The following SMS variants were observed in gnomAD, a reference collection of about 807,000 sequenced individuals.
SMS encodes the protein spermidine aminopropyltransferase.
SMS carries 3 observed loss-of-function variants against 33.0 expected under a neutral mutation model. That is an observed-to-expected ratio of 0.09 (90% CI 0.04 to 0.23). The LOEUF (loss-of-function observed/expected upper bound fraction) is 0.23, where lower values mean the gene tolerates loss of function less well. Ranked by LOEUF, SMS falls within the 10% of genes least tolerant of loss-of-function variation. The probability of loss-of-function intolerance (pLI) is 1.00; values close to 1 mark genes in which losing one functional copy is unlikely to be tolerated. For synonymous variants in SMS, 103 were observed against 112.2 expected (o/e 0.92, Z 0.52); for missense variants, 117 against 288.6 (o/e 0.41, Z 4.31).
chrX:21,975,176 A>C (rs1283226684), intron 4 of SMS, among the ~76,000 whole-genome samples: 9 of 111,251 alleles, frequency 8.1e-5, no homozygotes, highest in Non-Finnish European at 1.7e-4. Context: ...TCAGCAGTGA[A>C]GGTTGAAACG....
rs878855908 is a variant in SMS, at chrX:21,977,338, G to GT, written c.505+107dup. Reference sequence around the variant, plus strand: ...TACTGTCGTGGATTTGTTTGAGTTTGTTTTTGACACTGCTGGTTTTTGAGA... The same window carrying GT: ...TACTGTCGTGGATTTGTTTGAGTTTGTTTTTTGACACTGCTGGTTTTTGAGA... On this transcript the variant is annotated intron_variant, in intron 5 of 10. Transcript: ENST00000404933. 5.1e-5 allele frequency: 39 copies of GT among 758,866 alleles called. No homozygotes were observed. In the South Asian group the frequency reaches 8.0e-4, roughly 16 times the overall value. The allele number at this position is 758,866 out of a possible 1,213,427, so 62.5% of individuals were successfully genotyped here.
chrX:21,952,974 G>T (rs1311588366), intron 1 of SMS, among the ~76,000 whole-genome samples: 2 of 107,587 alleles, frequency 1.9e-5, no homozygotes, highest in Non-Finnish European at 3.8e-5. Context: ...TGTTGCCCAG[G>T]CTGGTCTCAA....
intron 1 of SMS, among the ~76,000 whole-genome samples, chrX:21,964,263 C>T (rs1247085169): frequency 9.0e-6 from 1 of 111,538 alleles, no homozygotes; most frequent in Non-Finnish European, 1.9e-5. Flanking sequence ...TGGGCCACCG[C>T]TGCTCGGTGT....
intron 1 of SMS, among the ~76,000 whole-genome samples, chrX:21,956,131 C>T (rs1922955817): frequency 2.7e-5 from 3 of 112,767 alleles, no homozygotes; most frequent in African/African-American, 6.4e-5. Context: ...GGCTGGTACT[C>T]TGTAAACATG....
rs758346926 is a variant in SMS, at chrX:21,971,156, A to C, written c.171-741A>C. On this transcript the variant is annotated intron_variant, in intron 2 of 10. Coordinates refer to ENST00000404933, the MANE Select transcript of SMS (RefSeq NM_004595.5). The stretch of plus-strand genomic sequence containing the variant: ...GGCTGCAGTGAGCCGAGATCATGTC[A>C]CTGCACTCCAGCCTGGGCAAGACAG... 1.2e-4 allele frequency among the ~76,000 whole-genome samples: 13 copies of C among 109,696 alleles called. No individual in the cohort carries two copies. The South Asian group carries it at 4.0e-3, about 34-fold the overall frequency.
chrX:21,977,333 A>C (rs1459481841), intron 5 of SMS, 97 bp downstream of exon 5: 1 of 834,784 alleles, frequency 1.2e-6, no homozygotes, highest in Non-Finnish European at 1.8e-6. Context: ...GATTTGTTTG[A>C]GTTTGTTTTT....
At chrX:21,984,513 GT>G (rs1300000985) in intron 8 of SMS, 95 bp downstream of exon 8, 36 of 621,096 alleles carry the variant, frequency 5.8e-5, no homozygotes, top group Non-Finnish European at 3.5e-5. Context: ...GTTCTCTCAC[GT>G]TTTTGAAAAA....
chrX:21,944,539 A>AAAAAAAAAAAAAAAAATAAAAAAAAAAAG (rs776946474), intron 1 of SMS, among the ~76,000 whole-genome samples: 1 of 81,439 alleles, frequency 1.2e-5, no homozygotes, highest in Non-Finnish European at 2.3e-5. Flanking sequence ...AAAAAAAAAA[A>AAAAAAAAAAAAAAAAATAAAAAAAAAAAG]AAAAAAGAAA....
intron 8 of SMS, 126 bp from the exon 9 acceptor site, chrX:21,985,018 T>G (rs1925228739): frequency 1.1e-5 from 5 of 467,857 alleles, no homozygotes; most frequent in Non-Finnish European, 1.9e-5. Context: ...CTTTGAATAG[T>G]GGGTCTTACA....
chrX:21,975,896 G>A (rs1281274429), intron 4 of SMS, among the ~76,000 whole-genome samples: 1 of 110,559 alleles, frequency 9.0e-6, no homozygotes, highest in African/African-American at 3.3e-5. Context: ...GAGTACGTCA[G>A]GCCGCATATC....
chrX:21,947,889 T>C (rs775562206), intron 1 of SMS, among the ~76,000 whole-genome samples: 1 of 111,791 alleles, frequency 8.9e-6, no homozygotes, highest in African/African-American at 3.3e-5. Flanking sequence ...TTGTGTGCTT[T>C]ACATAGGAAT....
At chrX:21,942,546 T>C (rs891419399) in intron 1 of SMS, among the ~76,000 whole-genome samples, 4 of 112,264 alleles carry the variant, frequency 3.6e-5, no homozygotes, top group African/African-American at 1.3e-4. Context: ...CAAAGCATGT[T>C]AATTTTAGTT....
At chrX:21,976,752 A>G (rs1218913655) in intron 4 of SMS, among the ~76,000 whole-genome samples, 3 of 112,113 alleles carry the variant, frequency 2.7e-5, no homozygotes, top group Non-Finnish European at 5.6e-5. Context: ...TTATGTAGAT[A>G]GTCTTAAGAG....
chrX:21,952,406 GTTGT>G (rs200941331), intron 1 of SMS, among the ~76,000 whole-genome samples: 16,468 of 81,075 alleles, frequency 0.2, 2,056 homozygotes, highest in African/African-American at 0.49. Context: ...GGTGGATCAC[GTTGT>G]TTGTTTGTTT....
In SMS at chrX:21,984,286, T is replaced by C. The variant is rs766774088; in HGVS notation, c.751-18T>C. On this transcript the variant is annotated intron_variant, in intron 7 of 10. Transcript: ENST00000404933. ...TCCACATGTTGGCTCACTCATCTATTCCTGTTCTTTCTGGAAGGTTCTAAT... is the reference window on the plus strand; with the variant it reads ...TCCACATGTTGGCTCACTCATCTATCCCTGTTCTTTCTGGAAGGTTCTAAT... 1.5e-5 allele frequency: 14 copies of C among 949,315 alleles called. No individual in the cohort carries two copies. In the Admixed American group the frequency reaches 3.1e-4, roughly 21 times the overall value. 78.2% of individuals were successfully genotyped at this position (949,315 alleles called of 1,213,427 possible).
At chrX:21,973,362 G>A (rs770791962) in intron 4 of SMS, among the ~76,000 whole-genome samples, 2 of 111,829 alleles carry the variant, frequency 1.8e-5, no homozygotes, top group South Asian at 7.4e-4. Flanking sequence ...GCTTGAACCC[G>A]GGAAGCGGAG....
intron 1 of SMS, among the ~76,000 whole-genome samples, chrX:21,951,034 A>G (rs1922572337): frequency 8.9e-6 from 1 of 112,355 alleles, no homozygotes; most frequent in African/African-American, 3.2e-5. Context: ...GTCTTCCACA[A>G]TAGTTGAACT....
intron 7 of SMS, among the ~76,000 whole-genome samples, chrX:21,979,219 G>C (rs192882680): frequency 9.2e-6 from 1 of 108,946 alleles, no homozygotes; most frequent in Non-Finnish European, 1.9e-5. Flanking sequence ...TCAGTTCTAC[G>C]GTACATGTGC....
At chrX:21,962,904 C>T (rs1174751169) in intron 1 of SMS, among the ~76,000 whole-genome samples, 1 of 110,819 alleles carries the variant, frequency 9.0e-6, no homozygotes, top group Non-Finnish European at 1.9e-5. Flanking sequence ...ATCCTCCTGC[C>T]TTGACCTCCT....
Sources: gnomAD v4.1 joint callset for allele counts (sites outside exome capture counted in the v4.1 genomes callset) on GRCh38, gnomAD v4.1.1 for gene constraint, MANE v1.5 for transcripts, NCBI Gene and HGNC (gene_info 2026-07-23, HGNC 2026-07-21) for gene names.